Variants in PCDHGA6 observed in about 807,000 individuals in gnomAD.
PCDHGA6 encodes the protein protocadherin gamma subfamily A, 6.
PCDHGA6 carries 41 observed loss-of-function variants against 60.6 expected under a neutral mutation model. The ratio of observed to expected loss-of-function variants is 0.68; its 90% CI spans 0.53 to 0.88. PCDHGA6 has a LOEUF of 0.88. Among genes scored for constraint, PCDHGA6 ranks in the 40% least tolerant of loss-of-function variants. PCDHGA6 has a pLI of 0.00. For synonymous variants in PCDHGA6, 594 were observed against 524.4 expected (o/e 1.13, Z -1.81); for missense variants, 1,312 against 1,203.0 (o/e 1.09, Z -1.34).
chr5:141,503,212 C>G (rs1227936455), intron 2 of PCDHGA6, among the ~76,000 whole-genome samples: 1 of 152,074 alleles, frequency 6.6e-6, no homozygotes, highest in African/African-American at 2.4e-5. Flanking sequence ...CAGTGCCCAC[C>G]ATGAGCACCG....
chr5:141,442,798 A>G (rs1055527090), intron 1 of PCDHGA6, among the ~76,000 whole-genome samples: 1 of 152,256 alleles, frequency 6.6e-6, no homozygotes, highest in East Asian at 1.9e-4. Flanking sequence ...TTTTACTTTG[A>G]TATTCAAATT....
At chr5:141,488,519 G>C (rs1210943979) in intron 1 of PCDHGA6, among the ~76,000 whole-genome samples, 1 of 152,184 alleles carries the variant, frequency 6.6e-6, no homozygotes, top group Non-Finnish European at 1.5e-5. Flanking sequence ...GGGGTCTGGG[G>C]TGTCAGAAAA....
At chr5:141,408,450 A>C in intron 1 of PCDHGA6, 1 of 1,613,944 alleles carries the variant, frequency 6.2e-7, no homozygotes, top group Non-Finnish European at 8.5e-7. Flanking sequence ...GAGAGCGGGG[A>C]CTTACTTGTG....
intron 1 of PCDHGA6, chr5:141,393,030 C>T (rs1376617687): frequency 1.2e-6 from 2 of 1,613,780 alleles, no homozygotes; most frequent in Admixed American, 3.3e-5. Context: ...AGGTAGGACG[C>T]AGCTCTTTGC....
chr5:141,425,194 A>G (rs1464968527), intron 1 of PCDHGA6, among the ~76,000 whole-genome samples: 1 of 152,206 alleles, frequency 6.6e-6, no homozygotes, highest in Non-Finnish European at 1.5e-5. Context: ...CAAACTGAGA[A>G]AAATGATGTA....
Position 141,491,611 on chromosome 5 carries a change from A to G in PCDHGA6, c.2425-3196A>G. The G allele has an allele frequency of 6.2e-7, 1 of 1,613,866 alleles. No individual in the cohort carries two copies. The highest frequency in any genetic ancestry group is 8.5e-7 in the Non-Finnish European group (1 of 1,180,018). Reference sequence around the variant, plus strand: ...GGACGGCAGTGACTTCACTTTTCTAAGACCCCTCAGCGTTCAGCAGCCCAC... The same window carrying G: ...GGACGGCAGTGACTTCACTTTTCTAGGACCCCTCAGCGTTCAGCAGCCCAC... On this transcript the variant is annotated intron_variant, in intron 1 of 3. Transcript: ENST00000517434. This position sits in a 1 kb window ranked among gnomAD's most constrained non-coding sequence, Gnocchi z 6.9.
At chr5:141,500,947 C>T (rs933082173) in intron 2 of PCDHGA6, among the ~76,000 whole-genome samples, 15 of 151,822 alleles carry the variant, frequency 9.9e-5, no homozygotes, top group African/African-American at 3.6e-4. Context: ...CGGCTCACTG[C>T]AAGCTCCACC....
intron 1 of PCDHGA6, among the ~76,000 whole-genome samples, chr5:141,459,461 G>A (rs1217201752): frequency 6.6e-6 from 1 of 152,214 alleles, no homozygotes; most frequent in Non-Finnish European, 1.5e-5. Flanking sequence ...GGACATTTGA[G>A]TTGTGTCCAG....
Position 141,436,345 on chromosome 5 carries a change from G to A in PCDHGA6, c.2425-58462G>A, listed in dbSNP as rs930858667. 5.9e-4 allele frequency among the ~76,000 whole-genome samples: 90 copies of A among 152,212 alleles called. 1 individual carries two copies. Among genetic ancestry groups the A allele is most frequent in the African/African-American group, 1.7e-3 (69 of 41,540 alleles). ...GTTAGACCATATCTCAAATATCAGT[G>A]ACTTCAATCAACTATGTTTCCAGTT... On this transcript the variant is annotated intron_variant, in intron 1 of 3. Coordinates refer to ENST00000517434, the MANE Select transcript of PCDHGA6 (RefSeq NM_018919.3).
intron 1 of PCDHGA6, among the ~76,000 whole-genome samples, chr5:141,447,244 A>T (rs1475037979): frequency 6.6e-6 from 1 of 152,062 alleles, no homozygotes; most frequent in Non-Finnish European, 1.5e-5. Flanking sequence ...GGTTCAAGTG[A>T]TTCTTCTGTC....
chr5:141,410,329 G>T, intron 1 of PCDHGA6: 1 of 1,613,982 alleles, frequency 6.2e-7, no homozygotes, highest in African/African-American at 1.3e-5. Context: ...CCGTGATTCT[G>T]GCCATTGCCT....
At chr5:141,408,917 C>G in intron 1 of PCDHGA6, 1 of 1,613,366 alleles carries the variant, frequency 6.2e-7, no homozygotes, top group South Asian at 1.1e-5. Flanking sequence ...CAATGATAAC[C>G]CCCCGGTTTT....
Position 141,431,529 on chromosome 5 carries a change from T to C in PCDHGA6, c.2424+55022T>C, listed in dbSNP as rs145601545. 166 of 1,614,074 alleles carry C rather than the reference T, an allele frequency of 1.0e-4. No individual in the cohort carries two copies. In the African/African-American group the frequency reaches 2.0e-3, roughly 19 times the overall value. On this transcript the variant is annotated intron_variant, in intron 1 of 3. Coordinates refer to ENST00000517434, the MANE Select transcript of PCDHGA6 (RefSeq NM_018919.3). The surrounding 1 kb of genome is among the most constrained non-coding windows in gnomAD (Gnocchi z 4.8). The stretch of plus-strand genomic sequence containing the variant: ...GCGAGCGTTCCGGAGAATCTGGCCT[T>C]GGGCACGCAGCTGCTTGTAGTCAAC...
chr5:141,393,465 G>A lies in PCDHGA6; in HGVS notation c.2424+16958G>A, dbSNP rs776962387. The stretch of plus-strand genomic sequence containing the variant: ...CCTGGTCCTCACGGCCTCGGATGGC[G>A]GCAAGCCGCCTCGCTCTAGCACAGT... On this transcript the variant is annotated intron_variant, in intron 1 of 3. Transcript: ENST00000517434. 23 of 1,614,048 alleles carry A rather than the reference G, an allele frequency of 1.4e-5. No homozygotes were observed. The East Asian group carries it at 5.1e-4, about 36-fold the overall frequency.
rs1189289267 is a variant in PCDHGA6, at chr5:141,374,609, A to T, written c.526A>T (p.Ser176Cys). The T allele has an allele frequency of 1.9e-6, 3 of 1,613,652 alleles. No homozygotes were observed. Among genetic ancestry groups the T allele is most frequent in the Non-Finnish European group, 2.5e-6 (3 of 1,179,730 alleles). ...SLQGFKLSGN[S>C]HFSVDVQSEA... ...TCAGGGATTTAAGCTCAGTGGTAAT[A>T]GTCACTTCTCAGTGGACGTGCAAAG... The change falls in exon 1 of 4, where the codon AGT becomes TGT. Residue 176 changes from serine to cysteine, a missense_variant. Physicochemically the swap from Ser to Cys is moderately radical, Grantham distance 112. Transcript: ENST00000517434.
chr5:141,414,421 A>AGGGAACAG (rs1486483287), intron 1 of PCDHGA6: 1 of 1,613,776 alleles, frequency 6.2e-7, no homozygotes, highest in Non-Finnish European at 8.5e-7. Context: ...AGCCCTTGAC[A>AGGGAACAG]GGGAACAGGT....
chr5:141,431,726 G>C lies in PCDHGA6; in HGVS notation c.2424+55219G>C. On this transcript the variant is annotated intron_variant, in intron 1 of 3. Coordinates refer to ENST00000517434, the MANE Select transcript of PCDHGA6 (RefSeq NM_018919.3). The surrounding 1 kb of genome is among the most constrained non-coding windows in gnomAD (Gnocchi z 4.8). ...CTACCAGATGGAAGTGCAAGCAATG[G>C]ATAATGCAGGATATTCTGCGCGAGC... The C allele has an allele frequency of 6.2e-7, 1 of 1,614,204 alleles. No homozygotes were observed. Among genetic ancestry groups the C allele is most frequent in the Non-Finnish European group, 8.5e-7 (1 of 1,180,032 alleles).
intron 1 of PCDHGA6, chr5:141,427,514 G>A (rs1193674497): frequency 1.7e-6 from 1 of 595,712 alleles, no homozygotes; most frequent in Non-Finnish European, 3.2e-6. Context: ...CCCTGGATTG[G>A]GAGCGGATCC....
chr5:141,404,517 A>C (rs1268035794), intron 1 of PCDHGA6: 1 of 1,613,938 alleles, frequency 6.2e-7, no homozygotes, highest in South Asian at 1.1e-5. Flanking sequence ...TCCTTTGACT[A>C]TGAGCAGTTT....
Sources: allele counts gnomAD v4.1 joint callset (sites outside exome capture counted in the v4.1 genomes callset), GRCh38; gene constraint gnomAD v4.1.1; non-coding constraint Gnocchi (gnomAD v3.1); transcripts MANE v1.5; gene names NCBI Gene and HGNC (gene_info 2026-07-23, HGNC 2026-07-21).